MAGI2: variants seen among roughly 807,000 people sequenced by gnomAD.
The protein encoded by MAGI2 is membrane-associated guanylate kinase, WW and PDZ domain-containing protein 2.
MAGI2 carries 35 observed loss-of-function variants against 133.3 expected under a neutral mutation model. The observed-to-expected ratio is 0.26, with a 90% confidence interval of 0.20 to 0.35. MAGI2 has a LOEUF of 0.35. Among genes scored for constraint, MAGI2 ranks in the 10% least tolerant of loss-of-function variants. The pLI is 1.00. For synonymous variants in MAGI2, 729 were observed against 710.6 expected, an observed-to-expected ratio of 1.03 and a Z score of -0.41; for missense variants, 1,636 against 1,863.4, an observed-to-expected ratio of 0.88 and a Z score of 2.25.
chr7:78,886,053 T>A (rs148638484), intron 2 of MAGI2, among the ~76,000 whole-genome samples: 1 of 152,314 alleles, frequency 6.6e-6, no homozygotes, highest in African/African-American at 2.4e-5. Context: ...TCTCCTGAGA[T>A]GTGAAAATAA....
At chr7:78,376,332 C>T (rs1028749034) in intron 6 of MAGI2, among the ~76,000 whole-genome samples, 1 of 152,056 alleles carries the variant, frequency 6.6e-6, no homozygotes, top group African/African-American at 2.4e-5. Context: ...CATGGGAGCA[C>T]AAACCCAGTC....
chr7:78,476,976 T>C (rs543681273), intron 6 of MAGI2, among the ~76,000 whole-genome samples: 1 of 152,090 alleles, frequency 6.6e-6, no homozygotes, highest in African/African-American at 2.4e-5. Flanking sequence ...AAATTACATG[T>C]ACTGAGAGGG....
At chr7:79,044,930 A>G (rs1812033856) in intron 1 of MAGI2, among the ~76,000 whole-genome samples, 1 of 152,200 alleles carries the variant, frequency 6.6e-6, no homozygotes, top group South Asian at 2.1e-4. Context: ...AATCCTTGTT[A>G]TTTACCTGAG....
intron 10 of MAGI2, among the ~76,000 whole-genome samples, chr7:78,242,178 A>G (rs915525766): frequency 6.6e-6 from 1 of 152,206 alleles, no homozygotes; most frequent in East Asian, 1.9e-4. Flanking sequence ...TGTGGCAGAA[A>G]GTGAGGTACA....
intron 1 of MAGI2, among the ~76,000 whole-genome samples, chr7:79,368,202 C>G (rs1315928676): frequency 6.6e-6 from 1 of 151,954 alleles, no homozygotes; most frequent in African/African-American, 2.4e-5. Flanking sequence ...AATTGTGCAT[C>G]TAGGAAAACA....
chr7:78,065,274 G>T (rs1455010871), intron 21 of MAGI2, among the ~76,000 whole-genome samples: 3 of 152,178 alleles, frequency 2.0e-5, no homozygotes, highest in African/African-American at 4.8e-5. Context: ...TCCCAGGGAG[G>T]ATGCTCTGAA....
intron 1 of MAGI2, among the ~76,000 whole-genome samples, chr7:79,295,072 T>C (rs1478070775): frequency 2.6e-5 from 4 of 152,170 alleles, no homozygotes; most frequent in Non-Finnish European, 4.4e-5. Context: ...TTGAAATTAA[T>C]GAAATTCTCT....
At chr7:79,387,118 G>A (rs1055773178) in intron 1 of MAGI2, among the ~76,000 whole-genome samples, 1 of 151,780 alleles carries the variant, frequency 6.6e-6, no homozygotes, top group African/African-American at 2.4e-5. Flanking sequence ...GTGTGTGTGT[G>A]TGTGTGTGTG....
At chr7:78,528,335 A>C (rs1255576301) in intron 3 of MAGI2, among the ~76,000 whole-genome samples, 1 of 152,194 alleles carries the variant, frequency 6.6e-6, no homozygotes, top group Non-Finnish European at 1.5e-5. Flanking sequence ...GTAAGTAAAC[A>C]ATCATTTTAT....
chr7:78,890,584 C>CTT (rs1796658532), intron 2 of MAGI2, among the ~76,000 whole-genome samples: 1 of 152,036 alleles, frequency 6.6e-6, no homozygotes, highest in African/African-American at 2.4e-5. Flanking sequence ...CACTCAAAAC[C>CTT]GCTCAACTAC....
chr7:78,556,702 C>A (rs2192659), intron 3 of MAGI2, among the ~76,000 whole-genome samples: 42,197 of 151,956 alleles, frequency 0.28, 6,487 homozygotes, highest in East Asian at 0.65. Context: ...CATTTCCATG[C>A]CCTTCTCAAG....
chr7:79,441,779 C>T (rs115817614), intron 1 of MAGI2, among the ~76,000 whole-genome samples: 2,967 of 152,088 alleles, frequency 0.02, 103 homozygotes, highest in African/African-American at 0.066. Flanking sequence ...CAAAGCAATG[C>T]CAGTACTTGG....
At chr7:79,437,661 G>T (rs1289774368) in intron 1 of MAGI2, among the ~76,000 whole-genome samples, 3 of 152,090 alleles carry the variant, frequency 2.0e-5, no homozygotes, top group African/African-American at 7.2e-5. Context: ...TGGGCAAGAA[G>T]GTTGGTCTTA....
At chr7:78,366,052 C>A (rs1793347090) in intron 7 of MAGI2, among the ~76,000 whole-genome samples, 1 of 152,056 alleles carries the variant, frequency 6.6e-6, no homozygotes, top group Admixed American at 6.6e-5. Context: ...AAGGTGGAAT[C>A]TTTTTCATAT....
At chr7:78,935,219 T>C (rs1800424675) in intron 2 of MAGI2, among the ~76,000 whole-genome samples, 1 of 152,164 alleles carries the variant, frequency 6.6e-6, no homozygotes, top group African/African-American at 2.4e-5. Context: ...TCATCACTGT[T>C]AGGAATCCGT....
chr7:79,300,404 T>A (rs1000579338), intron 1 of MAGI2, among the ~76,000 whole-genome samples: 1 of 152,192 alleles, frequency 6.6e-6, no homozygotes, highest in Non-Finnish European at 1.5e-5. Context: ...TGGCTGCATT[T>A]TGTTCATGAC....
chr7:79,110,057 G>A (rs558222499), intron 1 of MAGI2, among the ~76,000 whole-genome samples: 25 of 152,126 alleles, frequency 1.6e-4, no homozygotes, highest in Non-Finnish European at 2.8e-4. Context: ...CAGAGGGTGC[G>A]AGCCATAAAC....
intron 1 of MAGI2, among the ~76,000 whole-genome samples, chr7:79,323,846 C>T (rs1289162208): frequency 2.0e-5 from 3 of 152,068 alleles, no homozygotes; most frequent in Non-Finnish European, 4.4e-5. Flanking sequence ...GTGATAATCC[C>T]TGGACAGCAA....
intron 3 of MAGI2, among the ~76,000 whole-genome samples, chr7:78,609,424 A>G (rs1393787888): frequency 6.6e-6 from 1 of 152,236 alleles, no homozygotes; most frequent in Admixed American, 6.5e-5. Context: ...ACATACAGTT[A>G]ACAAATACTA....
Sources: allele counts gnomAD v4.1 joint callset (sites outside exome capture counted in the v4.1 genomes callset), GRCh38; gene constraint gnomAD v4.1.1; transcripts MANE v1.5; gene names NCBI Gene and HGNC (gene_info 2026-07-23, HGNC 2026-07-21).